Variants in HS3ST5 observed in about 807,000 individuals in gnomAD.
The protein encoded by HS3ST5 is heparan sulfate glucosamine 3-O-sulfotransferase 5.
A neutral mutation model predicts 25.4 loss-of-function variants in HS3ST5; 10 were observed. That is an observed-to-expected ratio of 0.39 (90% CI 0.24 to 0.67). The LOEUF (loss-of-function observed/expected upper bound fraction) is 0.67. Ranked by LOEUF, HS3ST5 falls within the 30% of genes least tolerant of loss-of-function variation. HS3ST5 has a pLI of 0.44. For missense variants in HS3ST5, 324 were observed against 420.7 expected, an observed-to-expected ratio of 0.77 and a Z score of 2.01; for synonymous variants, 170 against 162.4, an observed-to-expected ratio of 1.05 and a Z score of -0.36.
At chr6:114,203,514 ATAACATCAT>A (rs1781125946) in intron 2 of HS3ST5, among the ~76,000 whole-genome samples, 8 of 152,176 alleles carry the variant, frequency 5.3e-5, no homozygotes, top group Admixed American at 5.2e-4. Flanking sequence ...GCTCCTATAG[ATAACATCAT>A]TATTGTCAAA....
At chr6:114,307,428 G>GTT (rs200691305) in intron 1 of HS3ST5, among the ~76,000 whole-genome samples, 1 of 147,392 alleles carries the variant, frequency 6.8e-6, no homozygotes, top group African/African-American at 2.5e-5. Flanking sequence ...ATAAAACCTA[G>GTT]TTTTTTTTTT....
intron 3 of HS3ST5, among the ~76,000 whole-genome samples, chr6:114,132,658 G>C (rs960970082): frequency 6.6e-6 from 1 of 152,174 alleles, no homozygotes; most frequent in Non-Finnish European, 1.5e-5. Context: ...CAGATATAAG[G>C]GGGGAAAGGG....
In HS3ST5 at chr6:114,057,254, AT is replaced by A. The variant is rs1562176852; in HGVS notation, c.*2del. On this transcript the variant is annotated 3_prime_UTR_variant, in exon 5 of 5. Transcript: ENST00000312719. ...AACACATAGTGTTGTATGACATATT[AT>A]TTTAGGGCCAGTTCAATGTCCTCCC... 2 of 1,600,558 alleles carry A rather than the reference AT, an allele frequency of 1.2e-6. No individual in the cohort carries two copies. Among genetic ancestry groups the A allele is most frequent in the Non-Finnish European group, 1.7e-6 (2 of 1,169,196 alleles).
In HS3ST5 at chr6:114,057,284, G is replaced by A. The variant is rs778139287; in HGVS notation, c.1014C>T (p.Ile338=). 6.2e-7 allele frequency: 1 copy of A among 1,613,520 alleles called. No homozygotes were observed. Among genetic ancestry groups the A allele is most frequent in the Non-Finnish European group, 8.5e-7 (1 of 1,179,600 alleles). The change falls in exon 5 of 5, where the codon ATC becomes ATT. Residue 338 remains isoleucine (I), a synonymous_variant. Transcript: ENST00000312719. ...AGGGCCAGTTCAATGTCCTCCCAGT[G>A]ATCTGGTAAAATTTTTGATTAAAAG... The part of the protein sequence containing the change: ...FHPFNQKFYQ[I]TGRTLNWP
chr6:114,196,080 C>T (rs962357592), intron 2 of HS3ST5, among the ~76,000 whole-genome samples: 4 of 152,136 alleles, frequency 2.6e-5, no homozygotes, highest in Non-Finnish European at 4.4e-5. Context: ...AAAACAGCAA[C>T]CCTCTTCTGG....
intron 3 of HS3ST5, among the ~76,000 whole-genome samples, chr6:114,079,529 C>T (rs73554327): frequency 0.013 from 2,045 of 152,224 alleles, 47 homozygotes; most frequent in African/African-American, 0.048. Flanking sequence ...CTATTTCTAC[C>T]ATGTCTGCAG....
At chr6:114,119,970 C>T (rs1194410898) in intron 3 of HS3ST5, among the ~76,000 whole-genome samples, 1 of 152,084 alleles carries the variant, frequency 6.6e-6, no homozygotes, top group Non-Finnish European at 1.5e-5. Flanking sequence ...CGTGATGAAA[C>T]CCCGTCTCTA....
intron 1 of HS3ST5, chr6:114,230,423 A>G (rs1023334720): frequency 3.9e-5 from 6 of 151,966 alleles, no homozygotes; most frequent in Non-Finnish European, 7.4e-5. Context: ...TTACTGAACT[A>G]TTTTTCACAT....
Position 114,058,142 on chromosome 6 carries a change from A to G in HS3ST5, c.156T>C (p.Thr52=), listed in dbSNP as rs1250983892. The change falls in exon 5 of 5, where the codon ACT becomes ACC. Residue 52 remains threonine (T), a synonymous_variant. Transcript: ENST00000312719. Reference sequence around the variant, plus strand: ...GGGCGCGAAGTGGGAATTCAGCCTGAGTGCGGGCTCCACCCAGTCGACCTT... The same window carrying G: ...GGGCGCGAAGTGGGAATTCAGCCTGGGTGCGGGCTCCACCCAGTCGACCTT... ...PIEGRLGGAR[T]QAEFPLRALQ... is the part of the protein sequence containing the mutation. 1 of 1,612,718 alleles carries G rather than the reference A, an allele frequency of 6.2e-7. No homozygotes were observed. The highest frequency in any genetic ancestry group is 8.5e-7 in the Non-Finnish European group (1 of 1,179,014).
At chr6:114,311,029 A>C (rs189640155) in intron 1 of HS3ST5, among the ~76,000 whole-genome samples, 1 of 152,354 alleles carries the variant, frequency 6.6e-6, no homozygotes, top group Admixed American at 6.5e-5. Context: ...AAGAAACGTA[A>C]CTACCAATTT....
At chr6:114,218,727 G>A (rs1229725464) in intron 2 of HS3ST5, among the ~76,000 whole-genome samples, 1 of 152,154 alleles carries the variant, frequency 6.6e-6, no homozygotes, top group African/African-American at 2.4e-5. Flanking sequence ...TCCCTGTTCA[G>A]AATCAAACAC....
At chr6:114,332,908 A>G (rs1776461138) in intron 1 of HS3ST5, among the ~76,000 whole-genome samples, 1 of 152,122 alleles carries the variant, frequency 6.6e-6, no homozygotes, top group Non-Finnish European at 1.5e-5. Context: ...GAGTCACCCA[A>G]TTGTAAGGAC....
intron 1 of HS3ST5, among the ~76,000 whole-genome samples, chr6:114,259,702 T>G (rs1196162343): frequency 6.6e-6 from 1 of 152,210 alleles, no homozygotes; most frequent in Non-Finnish European, 1.5e-5. Context: ...AGTGTAGTGC[T>G]AAGATTTTTA....
intron 1 of HS3ST5, among the ~76,000 whole-genome samples, chr6:114,290,455 T>G (rs1380818634): frequency 6.6e-6 from 1 of 152,158 alleles, no homozygotes; most frequent in Non-Finnish European, 1.5e-5. Flanking sequence ...AAATTTTGTC[T>G]ATAAATTATG....
intron 3 of HS3ST5, among the ~76,000 whole-genome samples, chr6:114,162,893 G>A (rs976611430): frequency 5.9e-5 from 9 of 152,070 alleles, no homozygotes; most frequent in South Asian, 2.1e-4. Context: ...GCAATATTAC[G>A]TAACTTTGGC....
chr6:114,332,918 C>T (rs1172516884), intron 1 of HS3ST5, among the ~76,000 whole-genome samples: 1 of 152,036 alleles, frequency 6.6e-6, no homozygotes, highest in African/African-American at 2.4e-5. Context: ...ATTGTAAGGA[C>T]CTTGCAGAGG....
At chr6:114,168,971 C>T (rs1411555635) in intron 2 of HS3ST5, among the ~76,000 whole-genome samples, 1 of 151,858 alleles carries the variant, frequency 6.6e-6, no homozygotes, top group Non-Finnish European at 1.5e-5. Flanking sequence ...TGTAAGCTAC[C>T]AGTAATTCTA....
At chr6:114,278,952 A>G (rs1361099465) in intron 1 of HS3ST5, among the ~76,000 whole-genome samples, 1 of 152,042 alleles carries the variant, frequency 6.6e-6, no homozygotes, top group Non-Finnish European at 1.5e-5. Context: ...CACTTCAAGA[A>G]GAAAACTCCT....
intron 1 of HS3ST5, among the ~76,000 whole-genome samples, chr6:114,262,622 G>T (rs937568623): frequency 4.0e-5 from 6 of 151,576 alleles, no homozygotes; most frequent in African/African-American, 1.5e-4. Context: ...ACTTTAAAAT[G>T]AAATGAAAAT....
Sources: gnomAD v4.1 joint callset for allele counts (sites outside exome capture counted in the v4.1 genomes callset) on GRCh38, gnomAD v4.1.1 for gene constraint, MANE v1.5 for transcripts, NCBI Gene and HGNC (gene_info 2026-07-23, HGNC 2026-07-21) for gene names.